The following SMYD3 variants were observed in gnomAD, a reference collection of about 807,000 sequenced individuals.
SMYD3 encodes histone-lysine N-methyltransferase SMYD3.
SMYD3 carries 36 observed loss-of-function variants against 57.7 expected under a neutral mutation model. The ratio of observed to expected loss-of-function variants is 0.62; its 90% CI spans 0.48 to 0.82. The LOEUF (loss-of-function observed/expected upper bound fraction) is 0.82, where lower values mean the gene tolerates loss of function less well. SMYD3 is among the 40% of genes least tolerant of loss of function. The pLI, the probability that SMYD3 is intolerant of heterozygous loss-of-function variation, is 0.00. For missense variants in SMYD3, 515 were observed against 538.8 expected, an observed-to-expected ratio of 0.96 and a Z score of 0.44; for synonymous variants, 211 against 195.0, an observed-to-expected ratio of 1.08 and a Z score of -0.68.
At chr1:245,917,737 G>A (rs2055547260) in intron 7 of SMYD3, among the ~76,000 whole-genome samples, 1 of 152,128 alleles carries the variant, frequency 6.6e-6, no homozygotes, top group Non-Finnish European at 1.5e-5. Context: ...GTACCAGACT[G>A]TAGAAATTAC....
chr1:246,033,505 T>C (rs1399089710), intron 5 of SMYD3, among the ~76,000 whole-genome samples: 2 of 152,168 alleles, frequency 1.3e-5, no homozygotes, highest in African/African-American at 2.4e-5. Context: ...ATCAATGTTC[T>C]GGCCGGGTGC....
intron 5 of SMYD3, among the ~76,000 whole-genome samples, chr1:245,993,070 T>G (rs886705168): frequency 1.3e-5 from 2 of 152,216 alleles, no homozygotes; most frequent in Admixed American, 6.5e-5. Flanking sequence ...TTAATAAAAC[T>G]TTGGGAGGTA....
Position 246,048,197 on chromosome 1 carries a change from G to A in SMYD3, c.532-118260C>T, listed in dbSNP as rs556980945. Among the ~76,000 whole-genome samples the A allele has an allele frequency of 1.9e-4, 29 of 152,282 alleles. No individual in the cohort carries two copies. The South Asian group carries it at 4.4e-3, about 23-fold the overall frequency. On this transcript the variant is annotated intron_variant, in intron 5 of 11. Transcript: ENST00000490107. ...CAACCTCAAGAACATGCAAACTCAC[G>A]TTAGTTAACACTATTTACCCAGTAG...
intron 5 of SMYD3, chr1:246,326,294 A>T: frequency 1.6e-6 from 1 of 625,816 alleles, no homozygotes; most frequent in Non-Finnish European, 2.9e-6. Context: ...CAAACACACA[A>T]TGTGAGAAAG....
chr1:246,261,040 G>GTTT (rs200966028), intron 5 of SMYD3, among the ~76,000 whole-genome samples: 1 of 133,020 alleles, frequency 7.5e-6, no homozygotes, highest in South Asian at 3.2e-4. Flanking sequence ...CTCTTTCTGG[G>GTTT]TTTTGTTGTT....
intron 1 of SMYD3, among the ~76,000 whole-genome samples, chr1:246,405,705 G>A (rs1409485549): frequency 6.6e-6 from 1 of 151,952 alleles, no homozygotes; most frequent in African/African-American, 2.4e-5. Flanking sequence ...TCAGGAGATC[G>A]AGACCATCCT....
chr1:246,075,362 A>G (rs905517158), intron 5 of SMYD3, among the ~76,000 whole-genome samples: 4 of 152,200 alleles, frequency 2.6e-5, no homozygotes, highest in Non-Finnish European at 5.9e-5. Context: ...TCAGCATGAT[A>G]TTGTTGCCTG....
intron 5 of SMYD3, among the ~76,000 whole-genome samples, chr1:246,234,437 T>C (rs1021396510): frequency 2.9e-4 from 44 of 151,922 alleles, no homozygotes; most frequent in Admixed American, 2.3e-3. Flanking sequence ...GATGAACATA[T>C]ACCATGCAGA....
At chr1:246,116,588 C>T (rs1213526387) in intron 5 of SMYD3, among the ~76,000 whole-genome samples, 1 of 152,182 alleles carries the variant, frequency 6.6e-6, no homozygotes, top group Non-Finnish European at 1.5e-5. Flanking sequence ...TACATCAAAA[C>T]ACCTGATAGG....
chr1:246,090,605 T>C (rs1042312349), intron 5 of SMYD3, among the ~76,000 whole-genome samples: 24 of 148,394 alleles, frequency 1.6e-4, no homozygotes, highest in African/African-American at 5.9e-4. Context: ...GCAACCCCCA[T>C]CTCCCAGGTT....
chr1:245,834,797 T>C (rs2148397226), intron 10 of SMYD3, among the ~76,000 whole-genome samples: 1 of 152,250 alleles, frequency 6.6e-6, no homozygotes, highest in South Asian at 2.1e-4. Context: ...ATTGACAAGG[T>C]CTTTTAGGGT....
At chr1:246,028,388 G>T (rs1027293888) in intron 5 of SMYD3, among the ~76,000 whole-genome samples, 8 of 152,162 alleles carry the variant, frequency 5.3e-5, no homozygotes, top group African/African-American at 1.9e-4. Context: ...AATGAATTCA[G>T]TAAAGTTGCA....
chr1:246,038,461 C>A (rs2059814749), intron 5 of SMYD3, among the ~76,000 whole-genome samples: 2 of 152,020 alleles, frequency 1.3e-5, no homozygotes, highest in South Asian at 4.2e-4. Flanking sequence ...AAGGCTGAGA[C>A]ACAAAATGGA....
intron 1 of SMYD3, among the ~76,000 whole-genome samples, chr1:246,364,476 G>A (rs1442828917): frequency 2.0e-5 from 3 of 152,122 alleles, no homozygotes; most frequent in Admixed American, 6.5e-5. Context: ...TATAAGGTAA[G>A]CAGTCTTATT....
At chr1:246,133,634 G>A (rs926575689) in intron 5 of SMYD3, among the ~76,000 whole-genome samples, 4 of 152,066 alleles carry the variant, frequency 2.6e-5, no homozygotes, top group Admixed American at 6.6e-5. Context: ...TGATACTAAC[G>A]GAAGCAGGGG....
intron 5 of SMYD3, among the ~76,000 whole-genome samples, chr1:246,310,722 T>C (rs1272614082): frequency 7.4e-6 from 1 of 134,902 alleles, no homozygotes; most frequent in Admixed American, 8.7e-5. Flanking sequence ...CAGGCTGGAG[T>C]GCAGTGGCGC....
chr1:246,349,115 T>A (rs59601273), intron 2 of SMYD3, among the ~76,000 whole-genome samples: 23,617 of 151,610 alleles, frequency 0.16, 2,093 homozygotes, highest in East Asian at 0.3. Context: ...AGAAGGAAAA[T>A]TATAAAGGTT....
chr1:246,244,194 G>A (rs79656094), intron 5 of SMYD3, among the ~76,000 whole-genome samples: 3,742 of 152,060 alleles, frequency 0.025, 150 homozygotes, highest in African/African-American at 0.085. Context: ...TCCTGAGTCA[G>A]CTACTCATCA....
intron 9 of SMYD3, among the ~76,000 whole-genome samples, chr1:245,862,307 C>T (rs1890815): frequency 6.6e-6 from 1 of 152,176 alleles, no homozygotes; most frequent in Non-Finnish European, 1.5e-5. Context: ...GATCACAGTA[C>T]TAAGATTATA....
Sources: gnomAD v4.1 joint callset for allele counts (sites outside exome capture counted in the v4.1 genomes callset) on GRCh38, gnomAD v4.1.1 for gene constraint, MANE v1.5 for transcripts, NCBI Gene and HGNC (gene_info 2026-07-23, HGNC 2026-07-21) for gene names.